MAP3K13: variants seen among roughly 807,000 people sequenced by gnomAD.
MAP3K13 encodes the protein mitogen-activated protein kinase kinase kinase 13.
Under a neutral mutation model 104.0 loss-of-function variants are expected in MAP3K13, and 52 were observed. That is an observed-to-expected ratio of 0.50 (90% CI 0.40 to 0.63). The LOEUF is 0.63. Ranked by LOEUF, MAP3K13 falls within the 20% of genes least tolerant of loss-of-function variation. The pLI, the probability that MAP3K13 is intolerant of heterozygous loss-of-function variation, is 0.00. For missense variants in MAP3K13, 914 were observed against 1,218.5 expected, an observed-to-expected ratio of 0.75 and a Z score of 3.72; for synonymous variants, 394 against 442.2, an observed-to-expected ratio of 0.89 and a Z score of 1.37.
chr3:185,477,546 T>C, intron 12 of MAP3K13, 150 bp downstream of exon 12: 1 of 642,300 alleles, frequency 1.6e-6, no homozygotes, highest in East Asian at 2.7e-5. Context: ...TTCCTGTTGC[T>C]ACATTTTGGC....
chr3:185,343,120 C>G (rs754781865), intron 2 of MAP3K13, among the ~76,000 whole-genome samples: 8 of 152,172 alleles, frequency 5.3e-5, no homozygotes, highest in Admixed American at 1.3e-4. Context: ...AGACTCCAGA[C>G]AAATGCTCCA....
chr3:185,376,464 G>A (rs895564392), intron 1 of MAP3K13, among the ~76,000 whole-genome samples: 2 of 152,152 alleles, frequency 1.3e-5, no homozygotes, highest in Admixed American at 6.6e-5. Flanking sequence ...TGGACAGAAA[G>A]GCTACAGGGC....
chr3:185,487,367 G>T lies in MAP3K13; in HGVS notation c.*4911G>T, dbSNP rs1299500373. 1 of 147,928 alleles carries T rather than the reference G, an allele frequency of 6.8e-6. No individual in the cohort carries two copies. The highest frequency in any genetic ancestry group is 1.5e-5 in the Non-Finnish European group (1 of 67,360). The allele number at this position is 147,928 out of a possible 1,614,324, so 9.2% of individuals were successfully genotyped here. ...TTTTTGTAGAGATGGGCGTCTCCCT[G>T]TGTTGCCCAGGCTGGTATCGAACTC... On this transcript the variant is annotated 3_prime_UTR_variant, in exon 14 of 14. Coordinates refer to ENST00000265026, the MANE Select transcript of MAP3K13 (RefSeq NM_004721.5).
Position 185,482,623 on chromosome 3 carries a change from C to T in MAP3K13, c.*167C>T. 1 of 532,540 alleles carries T rather than the reference C, an allele frequency of 1.9e-6. No homozygotes were observed. The highest frequency in any genetic ancestry group is 3.3e-6 in the Non-Finnish European group (1 of 300,196). 33.0% of individuals were successfully genotyped at this position (532,540 alleles called of 1,614,324 possible). A position where few individuals can be genotyped will look rare whatever the true frequency, so the allele number is the denominator to read the frequency against. Reference sequence around the variant, plus strand: ...GCAATAACAGGAACATGAGACTTCGCAAATCTCTGGAAAATAATATCCAAA... The same window carrying T: ...GCAATAACAGGAACATGAGACTTCGTAAATCTCTGGAAAATAATATCCAAA... On this transcript the variant is annotated 3_prime_UTR_variant, in exon 14 of 14. Transcript: ENST00000265026. This position sits in a 1 kb window ranked among gnomAD's most constrained non-coding sequence, Gnocchi z 4.5.
At chr3:185,336,154 CTTAACCAGAA>C (rs1722491931) in intron 2 of MAP3K13, among the ~76,000 whole-genome samples, 1 of 152,136 alleles carries the variant, frequency 6.6e-6, no homozygotes. Context: ...CAAACTTCAC[CTTAACCAGAA>C]TTTGACCCAA....
intron 2 of MAP3K13, among the ~76,000 whole-genome samples, chr3:185,350,907 C>T (rs1423457442): frequency 6.6e-6 from 1 of 152,168 alleles, no homozygotes; most frequent in Non-Finnish European, 1.5e-5. Flanking sequence ...TTCCTAAAGA[C>T]ACATACATGC....
intron 2 of MAP3K13, among the ~76,000 whole-genome samples, chr3:185,318,630 T>C (rs1427265016): frequency 2.0e-5 from 3 of 152,220 alleles, no homozygotes; most frequent in Non-Finnish European, 4.4e-5. Flanking sequence ...TTCAAATCTT[T>C]TTTGTTGGAG....
chr3:185,480,069 C>T (rs1718356405), intron 12 of MAP3K13, 163 bp from the exon 13 acceptor site: 1 of 690,760 alleles, frequency 1.4e-6, no homozygotes, highest in Non-Finnish European at 2.5e-6. Flanking sequence ...AGTCCATTGC[C>T]TTAATGTTAA....
chr3:185,383,085 C>T lies in MAP3K13; in HGVS notation c.-86+19717C>T, dbSNP rs573453656. Among the ~76,000 whole-genome samples the T allele has an allele frequency of 8.8e-3, 1,216 of 137,464 alleles. 14 individuals carry two copies. The highest frequency in any genetic ancestry group is 0.029 in the African/African-American group (1,049 of 36,258). 90.2% of individuals were successfully genotyped at this position (137,464 alleles called of 152,430 possible). ...GTCCATGTGTTCTCATTGTTCAATT[C>T]CCACCTATGAGTGAGAATATGCGGT... On this transcript the variant is annotated intron_variant, in intron 1 of 13. Coordinates refer to ENST00000265026, the MANE Select transcript of MAP3K13 (RefSeq NM_004721.5).
chr3:185,432,472 G>A (rs1714803699), intron 2 of MAP3K13, among the ~76,000 whole-genome samples: 2 of 152,230 alleles, frequency 1.3e-5, no homozygotes, highest in Admixed American at 1.3e-4. Flanking sequence ...TTACAGGCAT[G>A]AGCCACCACG....
rs138937821 is a variant in MAP3K13 at position 185,334,641 on chromosome 3, C to T, written c.-86+48998C>T. Among the ~76,000 whole-genome samples, 877 of 150,766 alleles carry T rather than the reference C, an allele frequency of 5.8e-3. 6 individuals are homozygous for T. The highest frequency in any genetic ancestry group is 0.019 in the African/African-American group (781 of 40,940). On this transcript the variant is annotated intron_variant, in intron 2 of 14. Coordinates refer to the MAP3K13 transcript ENST00000424227. ...TCTTTTTTTCTTTGAGATGAAGTCT[C>T]GCTCTGTCACCCAGGCTGGAGTCCA... is the stretch of plus-strand genomic sequence containing the variant.
At chr3:185,313,428 C>T (rs1721565244) in intron 2 of MAP3K13, among the ~76,000 whole-genome samples, 1 of 151,742 alleles carries the variant, frequency 6.6e-6, no homozygotes, top group Non-Finnish European at 1.5e-5. Flanking sequence ...CGCCACCATG[C>T]CCAGCTAATT....
rs954782149 is a variant in MAP3K13, at chr3:185,483,057, T to G, written c.*601T>G. 4.3e-6 allele frequency: 1 copy of G among 232,406 alleles called. No individual in the cohort carries two copies. Among genetic ancestry groups the G allele is most frequent in the Non-Finnish European group, 8.5e-6 (1 of 117,638 alleles). The allele number at this position is 232,406 out of a possible 1,614,324, so 14.4% of individuals were successfully genotyped here. ...CAGACCATATTCACTTCAACCAGCT[T>G]GTCCAGGTGGCTTACGGAAATGACC... On this transcript the variant is annotated 3_prime_UTR_variant, in exon 14 of 14. Coordinates refer to ENST00000265026, the MANE Select transcript of MAP3K13 (RefSeq NM_004721.5).
At chr3:185,477,750 G>GT (rs1003516969) in intron 12 of MAP3K13, among the ~76,000 whole-genome samples, 30 of 152,150 alleles carry the variant, frequency 2.0e-4, no homozygotes, top group Non-Finnish European at 2.9e-5. Context: ...TCAGGCTTCT[G>GT]TAACAAACTG....
intron 1 of MAP3K13, among the ~76,000 whole-genome samples, chr3:185,387,385 C>A (rs562569722): frequency 5.5e-4 from 84 of 152,252 alleles, no homozygotes; most frequent in Non-Finnish European, 1.1e-3. Context: ...GTGATCTCTG[C>A]ACAAGTTGGC....
At chr3:185,380,468 G>A (rs1172119162) in intron 1 of MAP3K13, among the ~76,000 whole-genome samples, 4 of 142,132 alleles carry the variant, frequency 2.8e-5, no homozygotes, top group Non-Finnish European at 4.5e-5. Context: ...CCGAGATCAC[G>A]TCACCGCACT....
At chr3:185,296,757 T>C (rs1006972194) in intron 2 of MAP3K13, among the ~76,000 whole-genome samples, 1 of 152,210 alleles carries the variant, frequency 6.6e-6, no homozygotes, top group African/African-American at 2.4e-5. Context: ...GATGCATATT[T>C]GGGACAATGA....
intron 2 of MAP3K13, among the ~76,000 whole-genome samples, chr3:185,320,083 CTTT>C (rs11382487): frequency 7.0e-6 from 1 of 143,796 alleles, no homozygotes; most frequent in Admixed American, 6.9e-5. Flanking sequence ...ATGTAAGTAA[CTTT>C]TTTTTTTTTT....
chr3:185,438,309 A>G (rs932404379), intron 3 of MAP3K13, among the ~76,000 whole-genome samples: 8 of 66,604 alleles, frequency 1.2e-4, no homozygotes, highest in Admixed American at 1.0e-3. Flanking sequence ...AAGGAAAGAA[A>G]GAAGAAAGAA....
Sources: gnomAD v4.1 joint callset for allele counts (sites outside exome capture counted in the v4.1 genomes callset) on GRCh38, gnomAD v4.1.1 for gene constraint, Gnocchi (gnomAD v3.1) non-coding constraint, MANE v1.5 for transcripts, NCBI Gene and HGNC (gene_info 2026-07-23, HGNC 2026-07-21) for gene names.